KCNJ6: variants seen among roughly 807,000 people sequenced by gnomAD.
KCNJ6 encodes G protein-activated inward rectifier potassium channel 2.
In KCNJ6, 9 loss-of-function variants were observed where a neutral mutation model predicts 34.2. The ratio of observed to expected loss-of-function variants is 0.26; its 90% CI spans 0.16 to 0.46. The LOEUF (loss-of-function observed/expected upper bound fraction) is 0.46. Among genes scored for constraint, KCNJ6 ranks in the 20% least tolerant of loss-of-function variants. The pLI is 1.00. For synonymous variants in KCNJ6, 196 were observed against 207.1 expected, an observed-to-expected ratio of 0.95 and a Z score of 0.46; for missense variants, 236 against 531.3, an observed-to-expected ratio of 0.44 and a Z score of 5.46.
At chr21:37,888,614 A>G (rs1478908058) in intron 1 of KCNJ6, among the ~76,000 whole-genome samples, 1 of 152,248 alleles carries the variant, frequency 6.6e-6, no homozygotes, top group Non-Finnish European at 1.5e-5. Flanking sequence ...AAATTTGGCA[A>G]GGAGAGAAGG....
intron 2 of KCNJ6, among the ~76,000 whole-genome samples, chr21:37,812,676 G>A (rs2055328726): frequency 6.6e-6 from 1 of 152,138 alleles, no homozygotes; most frequent in South Asian, 2.1e-4. Context: ...ATATAATCAT[G>A]TCAATTGAGG....
intron 1 of KCNJ6, among the ~76,000 whole-genome samples, chr21:37,905,162 A>G (rs1752352581): frequency 6.6e-6 from 1 of 152,182 alleles, no homozygotes; most frequent in Non-Finnish European, 1.5e-5. Context: ...ACCACTGATG[A>G]CACTAAAGCA....
At chr21:37,822,710 T>C (rs1296073962) in intron 2 of KCNJ6, among the ~76,000 whole-genome samples, 1 of 152,184 alleles carries the variant, frequency 6.6e-6, no homozygotes, top group African/African-American at 2.4e-5. Flanking sequence ...TGATTGTCTT[T>C]TGTGAGGATG....
At chr21:37,875,678 C>A (rs1476442965) in intron 1 of KCNJ6, among the ~76,000 whole-genome samples, 1 of 152,178 alleles carries the variant, frequency 6.6e-6, no homozygotes, top group Non-Finnish European at 1.5e-5. Context: ...TCTCTTTGAA[C>A]CAGGCTCAGA....
intron 1 of KCNJ6, among the ~76,000 whole-genome samples, chr21:37,901,488 A>T (rs1421517823): frequency 6.6e-6 from 1 of 152,194 alleles, no homozygotes; most frequent in Admixed American, 6.5e-5. Flanking sequence ...ACATGTTCAA[A>T]CTCATCTGTA....
intron 2 of KCNJ6, among the ~76,000 whole-genome samples, chr21:37,814,168 T>C (rs181504034): frequency 7.8e-4 from 119 of 152,320 alleles, no homozygotes; most frequent in Middle Eastern, 6.8e-3. Context: ...CTCAACATCA[T>C]TGATCATCAA....
chr21:37,894,189 C>T (rs2055776619), intron 1 of KCNJ6, among the ~76,000 whole-genome samples: 1 of 152,230 alleles, frequency 6.6e-6, no homozygotes, highest in South Asian at 2.1e-4. Context: ...ACACAAGTCA[C>T]TTAGCAGATA....
At chr21:37,884,530 C>A (rs1204674180) in intron 1 of KCNJ6, among the ~76,000 whole-genome samples, 1 of 152,190 alleles carries the variant, frequency 6.6e-6, no homozygotes, top group African/African-American at 2.4e-5. Flanking sequence ...GCTGGGTTAA[C>A]CTTCCCCAGA....
chr21:37,759,556 C>T (rs546141731), intron 2 of KCNJ6, among the ~76,000 whole-genome samples: 66 of 152,170 alleles, frequency 4.3e-4, no homozygotes, highest in Non-Finnish European at 8.5e-4. Flanking sequence ...CGCTCATCCC[C>T]GCCATCCCCA....
chr21:37,868,774 C>T (rs536171903), intron 1 of KCNJ6, among the ~76,000 whole-genome samples: 1 of 152,330 alleles, frequency 6.6e-6, no homozygotes, highest in South Asian at 2.1e-4. Flanking sequence ...AGGGCTCTCA[C>T]AACGGGCAGG....
intron 2 of KCNJ6, among the ~76,000 whole-genome samples, chr21:37,721,061 A>AAGGTGT: frequency 6.6e-6 from 1 of 152,336 alleles, no homozygotes; most frequent in East Asian, 1.9e-4. Flanking sequence ...CAGAATATAT[A>AAGGTGT]AAGAACTCTT....
At chr21:37,683,892 G>A (rs1275336703) in intron 3 of KCNJ6, among the ~76,000 whole-genome samples, 1 of 152,222 alleles carries the variant, frequency 6.6e-6, no homozygotes, top group African/African-American at 2.4e-5. Flanking sequence ...TACTGCACTG[G>A]CTGAGTGGGC....
chr21:37,657,830 C>A (rs2123395009), intron 3 of KCNJ6, among the ~76,000 whole-genome samples: 1 of 152,330 alleles, frequency 6.6e-6, no homozygotes, highest in African/African-American at 2.4e-5. Flanking sequence ...GTCCCTGCTC[C>A]ATGAAGGGAA....
At chr21:37,900,987 TA>T (rs1405426061) in intron 1 of KCNJ6, among the ~76,000 whole-genome samples, 2 of 152,170 alleles carry the variant, frequency 1.3e-5, no homozygotes, top group African/African-American at 2.4e-5. Flanking sequence ...CAGTCTGTGC[TA>T]TATTCTCCCC....
chr21:37,685,680 C>CAAAAAAAAAAAA lies in KCNJ6; in HGVS notation c.946+28530_946+28531insTTTTTTTTTTTT, dbSNP rs371388696. Among the ~76,000 whole-genome samples the CAAAAAAAAAAAA allele has an allele frequency of 1.5e-3, 27 of 17,466 alleles. 6 individuals carry two copies. The highest frequency in any genetic ancestry group is 2.2e-3 in the African/African-American group (25 of 11,146). The allele number at this position is 17,466 out of a possible 152,430, so 11.5% of individuals were successfully genotyped here. ...TGGGCGACAGAGTGAGACTCTGTCT[C>CAAAAAAAAAAAA]CAAAAAAAAAAAAAAAAAAAAAAAA... On this transcript the variant is annotated intron_variant, in intron 3 of 3. Transcript: ENST00000609713.
chr21:37,735,886 TTTCC>T (rs1163467155), intron 2 of KCNJ6, among the ~76,000 whole-genome samples: 1 of 152,148 alleles, frequency 6.6e-6, no homozygotes, highest in Non-Finnish European at 1.5e-5. Flanking sequence ...CCTTGAAAGG[TTTCC>T]TAAGGGAAGA....
chr21:37,697,487 A>C (rs911512080), intron 3 of KCNJ6, among the ~76,000 whole-genome samples: 2 of 152,180 alleles, frequency 1.3e-5, no homozygotes, highest in African/African-American at 2.4e-5. Context: ...AACGACTTTG[A>C]GTTGAGAAAT....
chr21:37,626,130 C>CTTT (rs10649366), intron 3 of KCNJ6, among the ~76,000 whole-genome samples: 110 of 143,038 alleles, frequency 7.7e-4, no homozygotes, highest in Middle Eastern at 3.5e-3. Flanking sequence ...TTTCCCCCTT[C>CTTT]TTTTTTTTTT....
intron 3 of KCNJ6, among the ~76,000 whole-genome samples, chr21:37,672,268 G>C (rs2054545650): frequency 6.6e-6 from 1 of 152,038 alleles, no homozygotes; most frequent in Non-Finnish European, 1.5e-5. Context: ...TAGGAAGGAA[G>C]CTTCTCTTTT....
Sources: gnomAD v4.1 joint callset for allele counts (sites outside exome capture counted in the v4.1 genomes callset) on GRCh38, gnomAD v4.1.1 for gene constraint, MANE v1.5 for transcripts, NCBI Gene and HGNC (gene_info 2026-07-23, HGNC 2026-07-21) for gene names.